MMP2: variants seen among roughly 807,000 people sequenced by gnomAD.
MMP2 encodes 72 kDa type IV collagenase.
A neutral mutation model predicts 74.8 loss-of-function variants in MMP2; 39 were observed. The ratio of observed to expected loss-of-function variants is 0.52; its 90% confidence interval spans 0.40 to 0.68. The LOEUF (loss-of-function observed/expected upper bound fraction) is 0.68. MMP2 is among the 30% of genes least tolerant of loss of function. MMP2 has a pLI of 0.00. For synonymous variants in MMP2, 367 were observed against 339.8 expected (o/e 1.08, Z -0.88); for missense variants, 803 against 878.3 (o/e 0.91, Z 1.08).
Position 55,482,934 on chromosome 16 carries a change from G to GC in MMP2, c.183dup (p.Lys62GlnfsTer27). 6.2e-7 allele frequency: 1 copy of GC among 1,614,202 alleles called. No individual in the cohort carries two copies. Among genetic ancestry groups the GC allele is most frequent in the Middle Eastern group, 1.6e-4 (1 of 6,062 alleles). ...CAATACCTGAACACCTTCTATGGCT[G>GC]CCCCAAGGAGAGCTGCAACCTGTTT... On this transcript the variant is annotated frameshift_variant, in exon 2 of 13. Coordinates refer to ENST00000219070, the MANE Select transcript of MMP2 (RefSeq NM_004530.6). LOFTEE classifies it high-confidence loss of function.
Position 55,491,821 on chromosome 16 carries a change from G to A in MMP2, c.1201G>A (p.Ala401Thr). ...CTCAGGGTACAGCCTGTTCCTCGTG[G>A]CAGCCCACGAGTTTGGCCACGCCAT... ...PDQGYSLFLV[A>T]AHEFGHAMGL... The change falls in exon 8 of 13, where the codon GCA (alanine) becomes ACA (threonine). Residue 401 changes from alanine to threonine, a missense_variant. By Grantham distance (58) the Ala-to-Thr change is moderately conservative. Around this residue, in one of 3 missense-constraint regions of MMP2, gnomAD observed 555 missense variants for 592.0 expected, o/e 0.94. Coordinates refer to ENST00000219070, the MANE Select transcript of MMP2 (RefSeq NM_004530.6). 6.2e-7 allele frequency: 1 copy of A among 1,614,190 alleles called. No homozygotes were observed. The highest frequency in any genetic ancestry group is 1.1e-5 in the South Asian group (1 of 91,084).
chr16:55,498,425 CT>C lies in MMP2; in HGVS notation c.1749del (p.Phe583LeufsTer12). On this transcript the variant is annotated frameshift_variant, in exon 11 of 13. Transcript: ENST00000219070. LOFTEE classifies it high-confidence loss of function. ...NWSKNKKTYIFAGDKFWRYNE... is the reference protein window; with the variant it reads ...NWSKNKKTYIXAGDKFWRYNE... ...GGAGCAAAAACAAGAAGACATACAT[CT>C]TTGCTGGAGACAAATTCTGGAGGTA... The C allele has an allele frequency of 1.2e-6, 2 of 1,614,228 alleles. No homozygotes were observed. The highest frequency in any genetic ancestry group is 1.7e-6 in the Non-Finnish European group (2 of 1,180,038).
chr16:55,488,927 G>A, intron 6 of MMP2: 1 of 623,352 alleles, frequency 1.6e-6, no homozygotes, highest in Non-Finnish European at 2.8e-6. Flanking sequence ...AACAGACATT[G>A]GGCATCAACA....
chr16:55,492,539 T>A (rs1273385538), intron 8 of MMP2, among the ~76,000 whole-genome samples: 1 of 151,818 alleles, frequency 6.6e-6, no homozygotes, highest in South Asian at 2.1e-4. Context: ...TATTTAATGG[T>A]CCAGGTGATA....
intron 12 of MMP2, among the ~76,000 whole-genome samples, chr16:55,503,640 T>C (rs1962724548): frequency 6.6e-6 from 1 of 152,138 alleles, no homozygotes; most frequent in African/African-American, 2.4e-5. Context: ...TAAACATCTA[T>C]TGAGCACCTA....
At position 55,479,297 on chromosome 16, in the gene MMP2, C is replaced by A; in HGVS notation, c.-183C>A. The A allele has an allele frequency of 3.7e-6, 2 of 547,590 alleles. No individual in the cohort carries two copies. Among genetic ancestry groups the A allele is most frequent in the Non-Finnish European group, 5.3e-6 (2 of 377,684 alleles). 33.9% of individuals were successfully genotyped at this position (547,590 alleles called of 1,614,324 possible). On this transcript the variant is annotated 5_prime_UTR_variant, in exon 1 of 13. Transcript: ENST00000219070. ...GGACCTGCGGCGGCGGCGGCGGCGG[C>A]GGGGGCTGGGGCGCGGGGGCCGGAC... is the stretch of plus-strand genomic sequence containing the variant.
At chr16:55,498,010 C>T (rs1444881276) in intron 10 of MMP2, among the ~76,000 whole-genome samples, 1 of 152,182 alleles carries the variant, frequency 6.6e-6, no homozygotes. Flanking sequence ...AAAGGTGCCT[C>T]TTTATGACAG....
At chr16:55,491,278 GT>G (rs1962398849) in intron 7 of MMP2, among the ~76,000 whole-genome samples, 1 of 152,072 alleles carries the variant, frequency 6.6e-6, no homozygotes, top group Non-Finnish European at 1.5e-5. Context: ...TGTGACACAG[GT>G]TTTGCTCGCT....
In MMP2 at chr16:55,505,401, G is replaced by C; in HGVS notation, c.1942G>C (p.Val648Leu). ...LKLENQSLKSVKFGSIKSDWL... is the reference protein window; with the variant it reads ...LKLENQSLKSLKFGSIKSDWL... Reference sequence around the variant, plus strand: ...GCTGGAGAACCAAAGTCTGAAGAGCGTGAAGTTTGGAAGCATCAAATCCGA... The same window carrying C: ...GCTGGAGAACCAAAGTCTGAAGAGCCTGAAGTTTGGAAGCATCAAATCCGA... The change falls in exon 13 of 13, where the codon GTG (valine) becomes CTG (leucine). Residue 648 changes from valine to leucine, a missense_variant. Transcript: ENST00000219070. The C allele has an allele frequency of 6.2e-7, 1 of 1,614,084 alleles. No homozygotes were observed. The highest frequency in any genetic ancestry group is 8.5e-7 in the Non-Finnish European group (1 of 1,179,996).
chr16:55,488,913 T>A (rs1567376319), intron 6 of MMP2, 197 bp downstream of exon 6: 1 of 643,320 alleles, frequency 1.6e-6, no homozygotes, highest in East Asian at 2.8e-5. Context: ...GGCACTGAAA[T>A]CAGAACAGAC....
rs201694746 is a variant in MMP2, at chr16:55,502,928, C to T, written c.1879+40C>T. The T allele has an allele frequency of 3.4e-5, 52 of 1,517,286 alleles. 1 individual carries two copies. The highest frequency in any genetic ancestry group is 3.1e-4 in the South Asian group (28 of 88,988). The allele number at this position is 1,517,286 out of a possible 1,614,324, so 94.0% of individuals were successfully genotyped here. A position where few individuals can be genotyped will look rare whatever the true frequency, so the allele number is the denominator to read the frequency against. On this transcript the variant is annotated intron_variant, in intron 12 of 12. Transcript: ENST00000219070. ...ACTGTCTCCGCTTTCTAGGACTCCC[C>T]GCCCCTAGCCAGGGCCCAGCTCCTT...
At chr16:55,487,747 G>C (rs1336859893) in intron 5 of MMP2, 1 of 152,312 alleles carries the variant, frequency 6.6e-6, no homozygotes, top group African/African-American at 2.4e-5. Flanking sequence ...GACAGGCCAG[G>C]CTCTGAACCC....
intron 9 of MMP2, 108 bp from the exon 10 acceptor site, chr16:55,496,818 T>A: frequency 6.9e-7 from 1 of 1,458,254 alleles, no homozygotes; most frequent in Non-Finnish European, 9.4e-7. Context: ...CCCACTCCCA[T>A]CATGGAATCA....
intron 11 of MMP2, among the ~76,000 whole-genome samples, chr16:55,500,498 C>CACACACACAT (rs1962641912): frequency 1.8e-5 from 1 of 55,354 alleles, no homozygotes; most frequent in Non-Finnish European, 5.6e-5. Flanking sequence ...TGCGCATACA[C>CACACACACAT]ACACACACAC....
At chr16:55,485,201 G>A (rs1203683783) in intron 3 of MMP2, 98 bp from the exon 4 acceptor site, 27 of 1,557,084 alleles carry the variant, frequency 1.7e-5, no homozygotes, top group East Asian at 2.2e-5. Flanking sequence ...GGGGACAGAT[G>A]CTGGGTGGGC....
intron 5 of MMP2, among the ~76,000 whole-genome samples, chr16:55,486,355 G>GTGTGCC (rs1555491726): frequency 3.2e-4 from 23 of 72,094 alleles, no homozygotes; most frequent in African/African-American, 8.3e-4. Context: ...GCCTGTGTGT[G>GTGTGCC]TGTGTGTGTG....
intron 6 of MMP2, 65 bp from the exon 7 acceptor site, chr16:55,489,586 C>A: frequency 6.3e-7 from 1 of 1,591,278 alleles, no homozygotes; most frequent in Admixed American, 1.7e-5. Flanking sequence ...AGCGTCATGT[C>A]ATTGCTTCCT....
chr16:55,497,169 CCCGTGG>C, intron 10 of MMP2, 107 bp downstream of exon 10: 1 of 1,435,250 alleles, frequency 7.0e-7, no homozygotes, highest in South Asian at 1.2e-5. Flanking sequence ...TTCCTATGCA[CCCGTGG>C]GTGCTCCCTT....
At chr16:55,479,681 A>G (rs775298053) in intron 1 of MMP2, 49 bp downstream of exon 1, 53 of 1,611,916 alleles carry the variant, frequency 3.3e-5, no homozygotes, top group Non-Finnish European at 4.5e-5. Context: ...CAAACTTCGG[A>G]GGCAAAGGAT....
Sources: gnomAD v4.1 joint callset for allele counts (sites outside exome capture counted in the v4.1 genomes callset) on GRCh38, gnomAD v4.1.1 for gene constraint, gnomAD v4.1.1 regional missense constraint, MANE v1.5 for transcripts, NCBI Gene and HGNC (gene_info 2026-07-23, HGNC 2026-07-21) for gene names.